Variants in ANKMY1 observed in about 807,000 individuals in gnomAD.
The protein encoded by ANKMY1 is ankyrin repeat and MYND domain containing 1, also known as ankyrin repeat and MYND domain-containing protein 1.
A neutral mutation model predicts 102.0 loss-of-function variants in ANKMY1; 98 were observed. The ratio of observed to expected loss-of-function variants is 0.96; its 90% CI spans 0.82 to 1.14. ANKMY1 has a LOEUF of 1.14. ANKMY1 is among the 50% of genes most tolerant of loss of function. The probability of loss-of-function intolerance (pLI) is 0.00; values close to 1 mark genes in which losing one functional copy is unlikely to be tolerated. For synonymous variants in ANKMY1, 582 were observed against 559.9 expected, an observed-to-expected ratio of 1.04 and a Z score of -0.56; for missense variants, 1,330 against 1,347.6, an observed-to-expected ratio of 0.99 and a Z score of 0.20.
At chr2:240,518,058 C>T (rs1428405067) in intron 9 of ANKMY1, among the ~76,000 whole-genome samples, 2 of 152,128 alleles carry the variant, frequency 1.3e-5, no homozygotes, top group African/African-American at 4.8e-5. Flanking sequence ...GAGACGGATG[C>T]GTGGCCTGAT....
At chr2:240,526,721 G>C in intron 5 of ANKMY1, 1 of 1,363,514 alleles carries the variant, frequency 7.3e-7, no homozygotes, top group Non-Finnish European at 9.5e-7. Context: ...GTACATCCAT[G>C]CATCTCTGAT....
At chr2:240,495,598 T>A (rs145705442) in intron 15 of ANKMY1, among the ~76,000 whole-genome samples, 1 of 152,146 alleles carries the variant, frequency 6.6e-6, no homozygotes, top group African/African-American at 2.4e-5. Flanking sequence ...TTACCTATCA[T>A]TGGAGATGGC....
intron 4 of ANKMY1, among the ~76,000 whole-genome samples, chr2:240,544,675 GC>G (rs924393566): frequency 2.0e-5 from 3 of 151,828 alleles, no homozygotes; most frequent in African/African-American, 7.3e-5. Context: ...CCGAAGCCGG[GC>G]GAGGCATTGC....
intron 2 of ANKMY1, chr2:240,555,321 C>T (rs1009680210): frequency 4.1e-6 from 2 of 487,752 alleles, no homozygotes; most frequent in Non-Finnish European, 7.4e-6. Context: ...CAGGACCAGT[C>T]GGCCTGTCCA....
chr2:240,538,676 G>A (rs574066995), intron 4 of ANKMY1, among the ~76,000 whole-genome samples: 1 of 152,110 alleles, frequency 6.6e-6, no homozygotes, highest in Non-Finnish European at 1.5e-5. Flanking sequence ...AGGCACTGAC[G>A]GGCACCTCCC....
chr2:240,499,897 C>A lies in ANKMY1; in HGVS notation c.2806+61G>T, dbSNP rs561554818. ...GGTCCAGATCTCCAGGGATAACAGCCCCAGGCACGAGGCCGGAACGCCGCC... is the reference window on the plus strand; with the variant it reads ...GGTCCAGATCTCCAGGGATAACAGCACCAGGCACGAGGCCGGAACGCCGCC... On this transcript the variant is annotated intron_variant, in intron 15 of 17. Transcript: ENST00000401804. The surrounding 1 kb of genome is among the most constrained non-coding windows in gnomAD (Gnocchi z 4.2). The A allele has an allele frequency of 1.6e-4, 243 of 1,530,684 alleles. No homozygotes were observed. The African/African-American group carries it at 3.1e-3, about 20-fold the overall frequency. The allele number at this position is 1,530,684 out of a possible 1,614,324, so 94.8% of individuals were successfully genotyped here.
chr2:240,498,072 C>A (rs1191220724), intron 15 of ANKMY1, among the ~76,000 whole-genome samples: 1 of 131,566 alleles, frequency 7.6e-6, no homozygotes, highest in Non-Finnish European at 1.7e-5. Context: ...CCTCACCTTG[C>A]AGGAACCCTG....
chr2:240,491,368 T>C (rs1047233860), intron 15 of ANKMY1, among the ~76,000 whole-genome samples: 1 of 152,208 alleles, frequency 6.6e-6, no homozygotes, highest in Non-Finnish European at 1.5e-5. Flanking sequence ...ATGTAAGGCT[T>C]TGTTCCCGTC....
intron 15 of ANKMY1, 38 bp from the exon 16 acceptor site, chr2:240,482,299 C>A: frequency 6.3e-7 from 1 of 1,587,584 alleles, no homozygotes. Flanking sequence ...ACCCACGTGG[C>A]AGGGTGGGGG....
upstream of ANKMY1, chr2:240,560,396 A>C: frequency 1.1e-5 from 3 of 267,222 alleles, no homozygotes; most frequent in East Asian, 6.6e-5. Flanking sequence ...GGGGGCGGGG[A>C]GGACGGCGCC....
At chr2:240,560,666 A>AG (rs773166201), upstream of ANKMY1, 1 of 1,499,972 alleles carries the variant, frequency 6.7e-7, no homozygotes, top group Non-Finnish European at 8.8e-7. Flanking sequence ...GCCCAAAAGC[A>AG]GACTCTTCGG....
rs771661902 is a variant in ANKMY1, at chr2:240,512,835, T to C, written c.2112A>G (p.Ala704=). 1 of 1,614,042 alleles carries C rather than the reference T, an allele frequency of 6.2e-7. No homozygotes were observed. The highest frequency in any genetic ancestry group is 1.1e-5 in the South Asian group (1 of 91,068). ...LHAITDVDAK[A]SDEDDTYKPG... is the part of the protein sequence containing the mutation. ...GCTTGTAAGTGTCGTCCTCGTCGGA[T>C]GCCTTGGCGTCCACATCGGTGATGG... The change falls in exon 10 of 18, where the codon GCA becomes GCG. Residue 704 remains alanine, a synonymous_variant. Transcript: ENST00000401804.
intron 12 of ANKMY1, 115 bp from the exon 13 acceptor site, chr2:240,507,806 G>T: frequency 7.7e-7 from 1 of 1,305,606 alleles, no homozygotes; most frequent in Non-Finnish European, 1.0e-6. Context: ...GGGCTTCACG[G>T]AGGCCACCGC....
At chr2:240,484,891 T>C (rs2075862209) in intron 15 of ANKMY1, among the ~76,000 whole-genome samples, 1 of 151,938 alleles carries the variant, frequency 6.6e-6, no homozygotes, top group South Asian at 2.1e-4. Flanking sequence ...GTGGGCAAAG[T>C]ATATGAACAG....
At chr2:240,537,781 C>T (rs533550802) in intron 4 of ANKMY1, among the ~76,000 whole-genome samples, 25 of 152,370 alleles carry the variant, frequency 1.6e-4, no homozygotes, top group Middle Eastern at 3.4e-3. Flanking sequence ...ACGCTGTAAA[C>T]CACAACAAGT....
chr2:240,520,079 A>T lies in ANKMY1; in HGVS notation c.2004+283T>A. 1.6e-6 allele frequency: 1 copy of T among 624,422 alleles called. No homozygotes were observed. The highest frequency in any genetic ancestry group is 3.1e-6 in the Non-Finnish European group (1 of 326,142). The allele number at this position is 624,422 out of a possible 1,614,324, so 38.7% of individuals were successfully genotyped here. A position where few individuals can be genotyped will look rare whatever the true frequency, so the allele number is the denominator to read the frequency against. ...AGTCTCCCCTTTCCAAGGGGCCTTCAGGATGCGCTTCCCCTTAGTTTGCTT... is the reference window on the plus strand; with the variant it reads ...AGTCTCCCCTTTCCAAGGGGCCTTCTGGATGCGCTTCCCCTTAGTTTGCTT... On this transcript the variant is annotated intron_variant, in intron 9 of 17. Coordinates refer to ENST00000401804, the MANE Select transcript of ANKMY1 (RefSeq NM_001282771.3). This position sits in a 1 kb window ranked among gnomAD's most constrained non-coding sequence, Gnocchi z 4.8.
At chr2:240,546,757 A>G (rs1374915114) in intron 4 of ANKMY1, among the ~76,000 whole-genome samples, 2 of 152,234 alleles carry the variant, frequency 1.3e-5, no homozygotes, top group African/African-American at 4.8e-5. Flanking sequence ...ATCAAAAGAG[A>G]CAAAGAAGGC....
chr2:240,501,788 C>T (rs1015995604), intron 13 of ANKMY1, among the ~76,000 whole-genome samples: 1 of 152,200 alleles, frequency 6.6e-6, no homozygotes, highest in Non-Finnish European at 1.5e-5. Context: ...CTCCCTGGCA[C>T]ATGGGGGCAT....
intron 12 of ANKMY1, among the ~76,000 whole-genome samples, chr2:240,508,545 C>A (rs973246390): frequency 3.3e-5 from 5 of 152,238 alleles, no homozygotes; most frequent in Admixed American, 6.5e-5. Flanking sequence ...AGCCTGCCTT[C>A]CCATCACTCT....
Sources: gnomAD v4.1 joint callset for allele counts (sites outside exome capture counted in the v4.1 genomes callset) on GRCh38, gnomAD v4.1.1 for gene constraint, Gnocchi (gnomAD v3.1) non-coding constraint, MANE v1.5 for transcripts, NCBI Gene and HGNC (gene_info 2026-07-23, HGNC 2026-07-21) for gene names.